The following OLFM2 variants were observed in gnomAD, a reference collection of about 807,000 sequenced individuals.
OLFM2 encodes the protein noelin-2.
A neutral mutation model predicts 43.9 loss-of-function variants in OLFM2; 20 were observed. The ratio of observed to expected loss-of-function variants is 0.46; its 90% confidence interval spans 0.32 to 0.66. OLFM2 has a LOEUF of 0.66. OLFM2 is among the 30% of genes least tolerant of loss of function. The pLI is 0.04. For synonymous variants in OLFM2, 268 were observed against 278.6 expected, an observed-to-expected ratio of 0.96 and a Z score of 0.38; for missense variants, 416 against 643.6, an observed-to-expected ratio of 0.65 and a Z score of 3.83.
chr19:9,923,833 C>G (rs2086435751), intron 1 of OLFM2, among the ~76,000 whole-genome samples: 1 of 151,846 alleles, frequency 6.6e-6, no homozygotes, highest in African/African-American at 2.4e-5. Flanking sequence ...GGCGTGGTGC[C>G]TCACGCCTGT....
At chr19:9,877,568 A>C (rs1010291079) in intron 1 of OLFM2, among the ~76,000 whole-genome samples, 5 of 132,104 alleles carry the variant, frequency 3.8e-5, no homozygotes, top group South Asian at 2.3e-4. Context: ...ATAAATAAAT[A>C]AATAAATACA....
intron 1 of OLFM2, among the ~76,000 whole-genome samples, chr19:9,917,160 C>T (rs914883803): frequency 6.6e-6 from 1 of 152,064 alleles, no homozygotes; most frequent in African/African-American, 2.4e-5. Flanking sequence ...CCCCCCATGG[C>T]TTGTTCCTTT....
intron 1 of OLFM2, among the ~76,000 whole-genome samples, chr19:9,901,481 G>A (rs1428374757): frequency 6.6e-6 from 1 of 152,142 alleles, no homozygotes; most frequent in Non-Finnish European, 1.5e-5. Context: ...AGAAAGGTTG[G>A]TGTGGTGAGC....
intron 1 of OLFM2, among the ~76,000 whole-genome samples, chr19:9,877,580 T>TA (rs2046502255): frequency 6.6e-6 from 1 of 150,552 alleles, no homozygotes; most frequent in South Asian, 2.1e-4. Flanking sequence ...ATAAATACAA[T>TA]AAAATAAAAA....
At chr19:9,884,764 G>A (rs1020759859) in intron 1 of OLFM2, among the ~76,000 whole-genome samples, 1 of 152,168 alleles carries the variant, frequency 6.6e-6, no homozygotes, top group Non-Finnish European at 1.5e-5. Context: ...CTTGCATGGT[G>A]GGTGTCTGCA....
chr19:9,919,770 C>T (rs1340741668), intron 1 of OLFM2, among the ~76,000 whole-genome samples: 3 of 151,160 alleles, frequency 2.0e-5, no homozygotes, highest in Non-Finnish European at 4.4e-5. Context: ...GCATAAGCCA[C>T]CACACCTGGA....
intron 1 of OLFM2, among the ~76,000 whole-genome samples, chr19:9,862,241 CAG>C (rs1032736804): frequency 3.3e-5 from 5 of 152,106 alleles, no homozygotes; most frequent in Non-Finnish European, 4.4e-5. Flanking sequence ...CAGGGAGTAA[CAG>C]GGGGTCTTCC....
intron 1 of OLFM2, among the ~76,000 whole-genome samples, chr19:9,930,607 G>A (rs1372590292): frequency 3.3e-5 from 5 of 151,998 alleles, no homozygotes; most frequent in South Asian, 2.1e-4. Flanking sequence ...CACTTTGGGA[G>A]GCCAAGGCGG....
chr19:9,894,376 C>T (rs1599485418), intron 1 of OLFM2, among the ~76,000 whole-genome samples: 1 of 118,298 alleles, frequency 8.5e-6, no homozygotes, highest in Non-Finnish European at 1.7e-5. Context: ...GACTCTCTCT[C>T]AATAATAATA....
chr19:9,854,176 C>T lies in OLFM2; in HGVS notation c.*10G>A, dbSNP rs768471217. On this transcript the variant is annotated 3_prime_UTR_variant, in exon 6 of 6. Transcript: ENST00000264833. The surrounding 1 kb of genome is among the most constrained non-coding windows in gnomAD (Gnocchi z 9.5). ...GCCCCCCAGGCAGCAGCCCGAGCCA[C>T]AGCATTGGCTCAGGGGTCCCCAGAG... is the stretch of plus-strand genomic sequence containing the variant. 1 of 1,613,638 alleles carries T rather than the reference C, an allele frequency of 6.2e-7. No individual in the cohort carries two copies. Among genetic ancestry groups the T allele is most frequent in the South Asian group, 1.1e-5 (1 of 91,058 alleles).
In OLFM2 at chr19:9,854,181, T is replaced by G. The variant is rs1463314998; in HGVS notation, c.*5A>C. On this transcript the variant is annotated 3_prime_UTR_variant, in exon 6 of 6. Coordinates refer to ENST00000264833, the MANE Select transcript of OLFM2 (RefSeq NM_058164.4). The surrounding 1 kb of genome is among the most constrained non-coding windows in gnomAD (Gnocchi z 9.5). ...CCAGGCAGCAGCCCGAGCCACAGCA[T>G]TGGCTCAGGGGTCCCCAGAGGTGCT... 6.2e-7 allele frequency: 1 copy of G among 1,613,740 alleles called. No homozygotes were observed. The highest frequency in any genetic ancestry group is 1.7e-5 in the Admixed American group (1 of 60,004).
chr19:9,918,349 C>T (rs978248168), intron 1 of OLFM2, among the ~76,000 whole-genome samples: 2 of 151,998 alleles, frequency 1.3e-5, no homozygotes, highest in African/African-American at 4.8e-5. Context: ...CACCACCGTG[C>T]CCAGCTAATT....
chr19:9,895,120 C>G (rs1443985082), intron 1 of OLFM2, among the ~76,000 whole-genome samples: 2 of 152,166 alleles, frequency 1.3e-5, no homozygotes, highest in Non-Finnish European at 2.9e-5. Flanking sequence ...GATGTTAACT[C>G]CTAGATAGCT....
intron 1 of OLFM2, among the ~76,000 whole-genome samples, chr19:9,921,720 C>T (rs1347330414): frequency 6.6e-6 from 1 of 151,804 alleles, no homozygotes; most frequent in Non-Finnish European, 1.5e-5. Flanking sequence ...CTCCTGACCT[C>T]GTAATCCGCC....
intron 1 of OLFM2, among the ~76,000 whole-genome samples, chr19:9,914,578 C>T (rs1231715924): frequency 1.3e-5 from 2 of 150,716 alleles, no homozygotes; most frequent in African/African-American, 4.9e-5. Flanking sequence ...TTTTAGGAGG[C>T]GAGTCCCGGG....
intron 1 of OLFM2, among the ~76,000 whole-genome samples, chr19:9,899,683 C>G (rs1020995056): frequency 6.6e-6 from 1 of 152,084 alleles, no homozygotes; most frequent in African/African-American, 2.4e-5. Context: ...TCCCAAGTAG[C>G]TGGGACTACA....
intron 1 of OLFM2, among the ~76,000 whole-genome samples, chr19:9,873,876 C>T (rs1462479752): frequency 7.2e-6 from 1 of 138,058 alleles, no homozygotes; most frequent in Non-Finnish European, 1.5e-5. Context: ...GTCTCGAACT[C>T]CTGACCTCAA....
intron 1 of OLFM2, among the ~76,000 whole-genome samples, chr19:9,914,607 T>G (rs1448361100): frequency 6.6e-6 from 1 of 151,358 alleles, no homozygotes; most frequent in Non-Finnish European, 1.5e-5. Context: ...TACTTGCAAC[T>G]TTAACTTTGG....
intron 1 of OLFM2, among the ~76,000 whole-genome samples, chr19:9,895,414 G>C (rs986928397): frequency 3.3e-5 from 5 of 151,974 alleles, no homozygotes; most frequent in African/African-American, 7.3e-5. Flanking sequence ...GGGATCACTT[G>C]AGCCTGAGAA....
Sources: gnomAD v4.1 joint callset for allele counts (sites outside exome capture counted in the v4.1 genomes callset) on GRCh38, gnomAD v4.1.1 for gene constraint, Gnocchi (gnomAD v3.1) non-coding constraint, MANE v1.5 for transcripts, NCBI Gene and HGNC (gene_info 2026-07-23, HGNC 2026-07-21) for gene names.